The following KCNIP4 variants were observed in gnomAD, a reference collection of about 807,000 sequenced individuals.
KCNIP4 encodes potassium voltage-gated channel interacting protein 4.
A neutral mutation model predicts 34.0 loss-of-function variants in KCNIP4; 12 were observed. The ratio of observed to expected loss-of-function variants is 0.35; its 90% CI spans 0.23 to 0.57. The LOEUF is 0.57. Among genes scored for constraint, KCNIP4 ranks in the 20% least tolerant of loss-of-function variants. The probability of loss-of-function intolerance (pLI) is 0.83; values close to 1 mark genes in which losing one functional copy is unlikely to be tolerated. For missense variants in KCNIP4, 238 were observed against 311.7 expected (o/e 0.76, Z 1.78); for synonymous variants, 124 against 102.2 (o/e 1.21, Z -1.29).
intron 1 of KCNIP4, among the ~76,000 whole-genome samples, chr4:21,782,043 GGAGA>G (rs3052652): frequency 0.64 from 96,724 of 151,122 alleles, 32,034 homozygotes; most frequent in Non-Finnish European, 0.73. Context: ...GAAATGAAAA[GGAGA>G]GAGAGAAAAA....
At chr4:21,781,258 G>A (rs939036016) in intron 1 of KCNIP4, among the ~76,000 whole-genome samples, 3 of 152,004 alleles carry the variant, frequency 2.0e-5, no homozygotes, top group African/African-American at 7.3e-5. Context: ...CTCTCCTAAA[G>A]CCCTGTGAAG....
intron 1 of KCNIP4, among the ~76,000 whole-genome samples, chr4:21,917,748 T>C (rs996107011): frequency 1.3e-5 from 2 of 152,182 alleles, no homozygotes; most frequent in Non-Finnish European, 2.9e-5. Context: ...TACAGTTTTA[T>C]TAACAGTATA....
At chr4:21,533,797 C>A (rs1736915431) in intron 1 of KCNIP4, among the ~76,000 whole-genome samples, 1 of 152,052 alleles carries the variant, frequency 6.6e-6, no homozygotes, top group South Asian at 2.1e-4. Flanking sequence ...CCAATTCCTG[C>A]AAATCATGTT....
At chr4:21,039,264 A>G (rs560222571) in intron 1 of KCNIP4, among the ~76,000 whole-genome samples, 174 of 152,068 alleles carry the variant, frequency 1.1e-3, no homozygotes, top group African/African-American at 4.1e-3. Context: ...CAGGAGGCTG[A>G]GGCAGGAGAA....
chr4:21,582,945 T>C (rs1741344797), intron 1 of KCNIP4, among the ~76,000 whole-genome samples: 1 of 151,836 alleles, frequency 6.6e-6, no homozygotes, highest in South Asian at 2.1e-4. Context: ...GCATTTTTAG[T>C]TTCAAAGATT....
intron 1 of KCNIP4, among the ~76,000 whole-genome samples, chr4:21,896,617 C>A (rs1727401711): frequency 6.6e-6 from 1 of 152,086 alleles, no homozygotes; most frequent in Non-Finnish European, 1.5e-5. Context: ...CAATGCACAG[C>A]CATTTAAATA....
chr4:20,744,375 A>T (rs1471434401), intron 5 of KCNIP4, among the ~76,000 whole-genome samples: 1 of 152,146 alleles, frequency 6.6e-6, no homozygotes, highest in Non-Finnish European at 1.5e-5. Context: ...TCCATCAATG[A>T]TAGACTGGAT....
At chr4:21,072,780 T>C (rs946548133) in intron 1 of KCNIP4, among the ~76,000 whole-genome samples, 2 of 152,156 alleles carry the variant, frequency 1.3e-5, no homozygotes, top group Non-Finnish European at 2.9e-5. Context: ...TGGTTTTGGG[T>C]CTAACATGTA....
chr4:21,551,005 T>C (rs1025615456), intron 1 of KCNIP4, among the ~76,000 whole-genome samples: 3 of 151,998 alleles, frequency 2.0e-5, no homozygotes, highest in African/African-American at 7.2e-5. Flanking sequence ...TGTAATCCAA[T>C]TACATTCTTG....
chr4:21,099,199 C>T (rs528601249), intron 1 of KCNIP4, among the ~76,000 whole-genome samples: 1 of 152,094 alleles, frequency 6.6e-6, no homozygotes, highest in Non-Finnish European at 1.5e-5. Context: ...TTCACAATAG[C>T]AAAGACATGA....
intron 1 of KCNIP4, among the ~76,000 whole-genome samples, chr4:20,980,084 C>T (rs915812423): frequency 6.6e-6 from 1 of 152,222 alleles, no homozygotes; most frequent in Non-Finnish European, 1.5e-5. Flanking sequence ...TAAACCTTCT[C>T]TGGAGTCCTT....
intron 1 of KCNIP4, among the ~76,000 whole-genome samples, chr4:21,065,767 A>ATATATAT (rs1553933180): frequency 3.1e-5 from 3 of 96,246 alleles, no homozygotes; most frequent in Non-Finnish European, 6.6e-5. Context: ...TATATATATA[A>ATATATAT]CTCAATTTTA....
At chr4:20,856,332 A>T (rs2149489675) in intron 2 of KCNIP4, among the ~76,000 whole-genome samples, 1 of 152,246 alleles carries the variant, frequency 6.6e-6, no homozygotes, top group South Asian at 2.1e-4. Flanking sequence ...TTCCTTTTCC[A>T]CCTGTTAAAA....
intron 1 of KCNIP4, among the ~76,000 whole-genome samples, chr4:20,950,855 G>T (rs917674826): frequency 1.3e-5 from 2 of 152,080 alleles, no homozygotes; most frequent in Non-Finnish European, 2.9e-5. Context: ...ACTCTCTGCT[G>T]TTTTTGCTTA....
At chr4:20,866,979 C>T (rs73114370) in intron 2 of KCNIP4, among the ~76,000 whole-genome samples, 27,068 of 151,716 alleles carry the variant, frequency 0.18, 2,663 homozygotes, top group South Asian at 0.33. Flanking sequence ...ACAAGGAGAA[C>T]GACAAAATAC....
chr4:21,364,395 T>C (rs1719516876), intron 1 of KCNIP4, among the ~76,000 whole-genome samples: 1 of 152,112 alleles, frequency 6.6e-6, no homozygotes, highest in Non-Finnish European at 1.5e-5. Context: ...CAGAATACTA[T>C]TATATAACAT....
chr4:21,798,277 C>T (rs1429115996), intron 1 of KCNIP4, among the ~76,000 whole-genome samples: 3 of 151,306 alleles, frequency 2.0e-5, no homozygotes, highest in South Asian at 4.2e-4. Flanking sequence ...GCAGGATGGG[C>T]GTGGTGGTTC....
At chr4:21,331,544 C>A (rs1715638390) in intron 1 of KCNIP4, among the ~76,000 whole-genome samples, 1 of 152,032 alleles carries the variant, frequency 6.6e-6, no homozygotes, top group African/African-American at 2.4e-5. Flanking sequence ...ATTGAGTAAG[C>A]AAAATTGTTT....
chr4:20,806,740 G>C (rs1329942616), intron 3 of KCNIP4, among the ~76,000 whole-genome samples: 1 of 152,026 alleles, frequency 6.6e-6, no homozygotes, highest in Non-Finnish European at 1.5e-5. Flanking sequence ...AATTTCAAAA[G>C]ATATTAAATA....
Sources: gnomAD v4.1 joint callset for allele counts (sites outside exome capture counted in the v4.1 genomes callset) on GRCh38, gnomAD v4.1.1 for gene constraint, MANE v1.5 for transcripts, NCBI Gene and HGNC (gene_info 2026-07-23, HGNC 2026-07-21) for gene names.